Variants in TFDP1 observed in about 807,000 individuals in gnomAD.
The protein encoded by TFDP1 is transcription factor Dp-1.
In TFDP1, 6 loss-of-function variants were observed where a neutral mutation model predicts 48.0. The ratio of observed to expected loss-of-function variants is 0.13; its 90% CI spans 0.07 to 0.25. TFDP1 has a LOEUF of 0.25. Ranked by LOEUF, TFDP1 falls within the 10% of genes least tolerant of loss-of-function variation. The probability of loss-of-function intolerance (pLI) is 1.00; values close to 1 mark genes in which losing one functional copy is unlikely to be tolerated. For synonymous variants in TFDP1, 201 were observed against 211.6 expected, an observed-to-expected ratio of 0.95 and a Z score of 0.44; for missense variants, 335 against 543.0, an observed-to-expected ratio of 0.62 and a Z score of 3.81.
intron 2 of TFDP1, among the ~76,000 whole-genome samples, chr13:113,591,378 A>C (rs1016404214): frequency 6.6e-6 from 1 of 152,154 alleles, no homozygotes; most frequent in Non-Finnish European, 1.5e-5. Context: ...TGCCCCTAAA[A>C]CATGCTTTAA....
At chr13:113,638,751 A>G (rs1190732244) in intron 11 of TFDP1, among the ~76,000 whole-genome samples, 3 of 152,260 alleles carry the variant, frequency 2.0e-5, no homozygotes, top group Admixed American at 6.5e-5. Context: ...TAGTGCTTCA[A>G]AGATAAATAT....
At chr13:113,631,817 A>G in intron 5 of TFDP1, 73 bp downstream of exon 5, 1 of 1,584,670 alleles carries the variant, frequency 6.3e-7, no homozygotes, top group Non-Finnish European at 8.6e-7. Flanking sequence ...CTCCTGGGCC[A>G]CGTGTGTCAC....
At position 113,636,831 on chromosome 13, in the gene TFDP1, G is replaced by A. The variant is rs2049504511; in HGVS notation, c.1006+131G>A. The A allele has an allele frequency of 1.1e-5, 12 of 1,140,940 alleles. No homozygotes were observed. In the South Asian group the frequency reaches 1.9e-4, roughly 18 times the overall value. The allele number at this position is 1,140,940 out of a possible 1,614,324, so 70.7% of individuals were successfully genotyped here. ...CCACGTGTGTAGGGCCAGGAGCAAA[G>A]ACAAAGGGGCTGTGAGGGGGATGAG... On this transcript the variant is annotated intron_variant, in intron 10 of 11. Coordinates refer to ENST00000375370, the MANE Select transcript of TFDP1 (RefSeq NM_007111.5).
chr13:113,640,668 T>G lies in TFDP1; in HGVS notation c.*401T>G. Reference sequence around the variant, plus strand: ...CCTGATGCCGCTTATTTGCCGTGAGTTTGGACGGCACCCCTGCTGGCGGAT... The same window carrying G: ...CCTGATGCCGCTTATTTGCCGTGAGGTTGGACGGCACCCCTGCTGGCGGAT... On this transcript the variant is annotated 3_prime_UTR_variant, in exon 12 of 12. Transcript: ENST00000375370. The G allele has an allele frequency of 7.8e-6, 2 of 257,472 alleles. No individual in the cohort carries two copies. The highest frequency in any genetic ancestry group is 7.6e-5 in the South Asian group (2 of 26,214). The allele number at this position is 257,472 out of a possible 1,614,324, so 15.9% of individuals were successfully genotyped here.
rs2047951111 is a variant in TFDP1 at position 113,584,772 on chromosome 13, C to CCCCGCCACGGCCGGGACCG, written c.-176_-158dup. ...GGCGCCACTCGGCCCAGGGCAGGGA[C>CCCCGCCACGGCCGGGACCG]CCCGCCACGGCCGGGACCGCCCGGC... is the stretch of plus-strand genomic sequence containing the variant. On this transcript the variant is annotated 5_prime_UTR_variant, in exon 1 of 12. Transcript: ENST00000375370. The CCCCGCCACGGCCGGGACCG allele has an allele frequency of 6.8e-6, 1 of 146,448 alleles. No individual in the cohort carries two copies. The highest frequency in any genetic ancestry group is 2.1e-4 in the South Asian group (1 of 4,834). 9.1% of individuals were successfully genotyped at this position (146,448 alleles called of 1,614,324 possible).
At chr13:113,605,077 C>T (rs1270154397) in intron 2 of TFDP1, among the ~76,000 whole-genome samples, 1 of 152,082 alleles carries the variant, frequency 6.6e-6, no homozygotes, top group East Asian at 1.9e-4. Context: ...TAAATCATGG[C>T]ATCGTCACTG....
rs887712296 is a variant in TFDP1 at position 113,607,177 on chromosome 13, G to A, written c.13-3819G>A. 2.0e-5 allele frequency among the ~76,000 whole-genome samples: 3 copies of A among 152,210 alleles called. No individual in the cohort carries two copies. The highest frequency in any genetic ancestry group is 2.9e-5 in the Non-Finnish European group (2 of 68,044). The stretch of plus-strand genomic sequence containing the variant: ...GCTGGCCCCTGACAGAGCCGTGCAG[G>A]CGGCAGCGGCAGCACTGTTGCTGCG... On this transcript the variant is annotated intron_variant, in intron 2 of 11. Coordinates refer to ENST00000375370, the MANE Select transcript of TFDP1 (RefSeq NM_007111.5). This position sits in a 1 kb window ranked among gnomAD's most constrained non-coding sequence, Gnocchi z 5.2.
At chr13:113,629,181 C>T (rs531861497) in intron 4 of TFDP1, among the ~76,000 whole-genome samples, 1 of 152,336 alleles carries the variant, frequency 6.6e-6, no homozygotes, top group South Asian at 2.1e-4. Flanking sequence ...GAGGAAGGTG[C>T]AGGCACCCTT....
intron 2 of TFDP1, among the ~76,000 whole-genome samples, chr13:113,601,588 G>A (rs900671502): frequency 1.3e-5 from 2 of 152,244 alleles, no homozygotes; most frequent in East Asian, 1.9e-4. Flanking sequence ...TAGGGCCACC[G>A]GAGGTCGTCC....
chr13:113,626,782 T>C (rs1370887149), intron 4 of TFDP1, among the ~76,000 whole-genome samples: 10 of 152,236 alleles, frequency 6.6e-5, no homozygotes, highest in Non-Finnish European at 2.9e-5. Flanking sequence ...GTTTTTGTTT[T>C]GCTTGATAAT....
At chr13:113,601,898 C>CT (rs2048439987) in intron 2 of TFDP1, among the ~76,000 whole-genome samples, 1 of 51,876 alleles carries the variant, frequency 1.9e-5, no homozygotes. Flanking sequence ...CTCTGTAGCT[C>CT]TGAGAGGAGG....
At chr13:113,589,908 A>G (rs1167001189) in intron 2 of TFDP1, among the ~76,000 whole-genome samples, 1 of 152,110 alleles carries the variant, frequency 6.6e-6, no homozygotes, top group Non-Finnish European at 1.5e-5. Context: ...TCCCCTCCCT[A>G]CCTCGGAACA....
intron 2 of TFDP1, among the ~76,000 whole-genome samples, chr13:113,596,665 C>G (rs930408190): frequency 6.6e-6 from 1 of 152,348 alleles, no homozygotes; most frequent in East Asian, 1.9e-4. Context: ...GACTTTTGCC[C>G]GGACTTAACC....
Position 113,585,804 on chromosome 13 carries a change from A to G in TFDP1, c.-34A>G. On this transcript the variant is annotated 5_prime_UTR_variant, in exon 2 of 12. Transcript: ENST00000375370. ...TCATTTTTCTTCTCTGGGAAGGTGA[A>G]CATTTGTAGCATTGATTTCCCGGAT... 6.4e-7 allele frequency: 1 copy of G among 1,574,192 alleles called. No homozygotes were observed. Among genetic ancestry groups the G allele is most frequent in the Non-Finnish European group, 8.7e-7 (1 of 1,151,140 alleles).
At chr13:113,615,198 A>ATTGTT (rs1190285815) in intron 3 of TFDP1, among the ~76,000 whole-genome samples, 2 of 152,040 alleles carry the variant, frequency 1.3e-5, no homozygotes, top group African/African-American at 2.4e-5. Context: ...GTTGCCTCTG[A>ATTGTT]TTGTTTCCTG....
At chr13:113,634,170 TCTCC>T in intron 7 of TFDP1, 137 bp downstream of exon 7, 1 of 1,229,452 alleles carries the variant, frequency 8.1e-7, no homozygotes, top group Non-Finnish European at 1.2e-6. Flanking sequence ...CATGCAGACG[TCTCC>T]CTGCGTTTCT....
chr13:113,625,050 C>T (rs1172574801), intron 4 of TFDP1, among the ~76,000 whole-genome samples: 1 of 127,060 alleles, frequency 7.9e-6, no homozygotes, highest in Non-Finnish European at 1.6e-5. Context: ...GTGTCTCTCA[C>T]GTGTCCTCAG....
chr13:113,637,852 C>G lies in TFDP1; in HGVS notation c.1041C>G (p.Ile347Met). The G allele has an allele frequency of 6.2e-7, 1 of 1,614,216 alleles. No homozygotes were observed. Among genetic ancestry groups the G allele is most frequent in the African/African-American group, 1.3e-5 (1 of 75,068 alleles). Reference sequence around the variant, plus strand: ...AGGGAACTGTTGGAGGCGTGTTCATCACGACGGCAGGTTCCACGTCTAACG... The same window carrying G: ...AGGGAACTGTTGGAGGCGTGTTCATGACGACGGCAGGTTCCACGTCTAACG... ...MAQGTVGGVF[I>M]TTAGSTSNGT... The change falls in exon 11 of 12, where the codon ATC (isoleucine) becomes ATG (methionine). Residue 347 changes from isoleucine to methionine, a missense_variant. Ile to Met is a conservative substitution (Grantham distance 10). This residue lies in a region of TFDP1 where 204 missense variants were observed against 287.1 expected (regional missense o/e 0.71). Coordinates refer to ENST00000375370, the MANE Select transcript of TFDP1 (RefSeq NM_007111.5).
chr13:113,608,553 G>C (rs1032599162), intron 2 of TFDP1, among the ~76,000 whole-genome samples: 1 of 152,194 alleles, frequency 6.6e-6, no homozygotes, highest in Non-Finnish European at 1.5e-5. Flanking sequence ...TGCTCGAGCT[G>C]GGCCCAAGCC....
Sources: allele counts gnomAD v4.1 joint callset (sites outside exome capture counted in the v4.1 genomes callset), GRCh38; gene constraint gnomAD v4.1.1; regional missense constraint gnomAD v4.1.1; non-coding constraint Gnocchi (gnomAD v3.1); transcripts MANE v1.5; gene names NCBI Gene and HGNC (gene_info 2026-07-23, HGNC 2026-07-21).